The following PASD1 variants were observed in gnomAD, a reference collection of about 807,000 sequenced individuals.
PASD1 encodes circadian clock protein PASD1.
A neutral mutation model predicts 58.8 loss-of-function variants in PASD1; 13 were observed. The observed-to-expected ratio is 0.22, with a 90% CI of 0.14 to 0.35. PASD1 has a LOEUF of 0.35. PASD1 is among the 10% of genes least tolerant of loss of function. PASD1 has a pLI of 1.00. For missense variants in PASD1, 734 were observed against 568.3 expected (o/e 1.29, Z -2.96); for synonymous variants, 236 against 216.7 (o/e 1.09, Z -0.78).
At chrX:151,661,916 T>A (rs2014317580) in intron 10 of PASD1, among the ~76,000 whole-genome samples, 1 of 112,762 alleles carries the variant, frequency 8.9e-6, no homozygotes, top group Non-Finnish European at 1.9e-5. Context: ...CCTTAGGGCA[T>A]CATATCAGAA....
chrX:151,569,094 A>G (rs1008369006), intron 1 of PASD1, among the ~76,000 whole-genome samples: 1 of 112,040 alleles, frequency 8.9e-6, no homozygotes, highest in South Asian at 3.7e-4. Flanking sequence ...TAAAGTGTGG[A>G]TTAAGGCAAG....
At chrX:151,674,844 ACAAAAC>A (rs1235307329) in intron 15 of PASD1, among the ~76,000 whole-genome samples, 1 of 112,033 alleles carries the variant, frequency 8.9e-6, no homozygotes, top group African/African-American at 3.2e-5. Flanking sequence ...TTTTCAAACA[ACAAAAC>A]CAAACCAAAA....
chrX:151,624,644 A>G (rs926378702), intron 7 of PASD1, among the ~76,000 whole-genome samples: 1 of 111,699 alleles, frequency 9.0e-6, no homozygotes. Flanking sequence ...TGTTGTGATC[A>G]TTGTTATTAC....
At chrX:151,673,779 C>T in intron 14 of PASD1, 149 bp from the exon 15 acceptor site, 1 of 652,313 alleles carries the variant, frequency 1.5e-6, no homozygotes, top group Non-Finnish European at 2.4e-6. Context: ...GAATCTTAGT[C>T]AGGCCAAAGT....
intron 1 of PASD1, chrX:151,578,204 G>A (rs2013038705): frequency 8.9e-6 from 1 of 112,203 alleles, no homozygotes; most frequent in African/African-American, 3.2e-5. Context: ...ATCTGCTTCA[G>A]TGTATTTAAC....
intron 10 of PASD1, among the ~76,000 whole-genome samples, chrX:151,660,678 G>A (rs1351477450): frequency 1.8e-5 from 2 of 112,435 alleles, no homozygotes; most frequent in East Asian, 5.6e-4. Context: ...ATTCACTACT[G>A]TTAAGCCAAT....
intron 4 of PASD1, among the ~76,000 whole-genome samples, chrX:151,618,842 T>C (rs1569406658): frequency 9.4e-6 from 1 of 106,805 alleles, no homozygotes; most frequent in African/African-American, 3.4e-5. Context: ...TGGAGTGCAG[T>C]GAGAGAGAGA....
intron 8 of PASD1, among the ~76,000 whole-genome samples, chrX:151,631,031 T>C (rs1050418662): frequency 3.6e-5 from 4 of 112,245 alleles, no homozygotes; most frequent in East Asian, 2.8e-4. Flanking sequence ...CTCTGCTGTC[T>C]TGCTACTGCT....
intron 1 of PASD1, among the ~76,000 whole-genome samples, chrX:151,592,932 T>C (rs186763508): frequency 8.9e-6 from 1 of 112,050 alleles, no homozygotes; most frequent in East Asian, 2.8e-4. Context: ...TATTGATTAC[T>C]AAGGGGAGTA....
intron 1 of PASD1, among the ~76,000 whole-genome samples, chrX:151,577,415 A>C (rs1831583977): frequency 8.9e-6 from 1 of 112,320 alleles, no homozygotes; most frequent in African/African-American, 3.2e-5. Flanking sequence ...TTTATGGCTC[A>C]TACTGTTTGC....
At chrX:151,652,574 A>C (rs2014145173) in intron 9 of PASD1, among the ~76,000 whole-genome samples, 1 of 110,268 alleles carries the variant, frequency 9.1e-6, no homozygotes, top group African/African-American at 3.3e-5. Flanking sequence ...AAAAAAACTC[A>C]ACCCAACCCA....
chrX:151,577,563 T>A (rs2013025481), intron 1 of PASD1, among the ~76,000 whole-genome samples: 2 of 111,595 alleles, frequency 1.8e-5, no homozygotes, highest in South Asian at 7.6e-4. Context: ...CTTGCTCTGT[T>A]GCCCAGGCTG....
At chrX:151,570,957 C>T (rs1044031798) in intron 1 of PASD1, among the ~76,000 whole-genome samples, 64 of 111,753 alleles carry the variant, frequency 5.7e-4, no homozygotes, top group Non-Finnish European at 1.1e-3. Context: ...GCTGTACAGC[C>T]TCAAACAGGG....
Position 151,653,868 on chromosome X carries a change from CTCTT to C in PASD1, c.717+5236_717+5239del, listed in dbSNP as rs1222060384. Among the ~76,000 whole-genome samples the C allele has an allele frequency of 8.0e-3, 131 of 16,415 alleles. 4 individuals carry two copies. The highest frequency in any genetic ancestry group is 0.022 in the African/African-American group (98 of 4,553). 14.3% of individuals were successfully genotyped at this position (16,415 alleles called of 115,157 possible). ...CTTCCCTCCCTCCCTCCCTCCCTCC[CTCTT>C]TCTTTCTTTCTTTCTTTCTTTCTTT... On this transcript the variant is annotated intron_variant, in intron 9 of 15. Coordinates refer to ENST00000370357, the MANE Select transcript of PASD1 (RefSeq NM_173493.3).
chrX:151,658,700 C>T (rs181035731), intron 9 of PASD1, among the ~76,000 whole-genome samples: 5 of 112,283 alleles, frequency 4.5e-5, no homozygotes, highest in African/African-American at 1.6e-4. Context: ...GCACAGTTTC[C>T]TGAAGTTGAA....
At position 151,565,558 on chromosome X, in the gene PASD1, C is replaced by CTT. The variant is rs745371329; in HGVS notation, c.-28+1737_-28+1738dup. Among the ~76,000 whole-genome samples the CTT allele has an allele frequency of 5.0e-3, 423 of 84,099 alleles. 12 individuals are homozygous for CTT. Among genetic ancestry groups the CTT allele is most frequent in the African/African-American group, 0.017 (373 of 21,324 alleles). 73.0% of individuals were successfully genotyped at this position (84,099 alleles called of 115,157 possible). On this transcript the variant is annotated intron_variant, in intron 1 of 15. Transcript: ENST00000370357. ...TGGCTTTCTTTTTTCTTTTTCCTTA[C>CTT]TTTTTTTTTTTTTTTTTTTGAGACG...
chrX:151,636,175 A>G (rs1038536946), intron 8 of PASD1, among the ~76,000 whole-genome samples: 5 of 110,884 alleles, frequency 4.5e-5, no homozygotes, highest in Admixed American at 9.6e-5. Context: ...AGAACCATAC[A>G]GTATATACTC....
intron 4 of PASD1, among the ~76,000 whole-genome samples, chrX:151,615,776 A>C (rs1350163449): frequency 8.9e-6 from 1 of 112,391 alleles, no homozygotes; most frequent in Non-Finnish European, 1.9e-5. Context: ...CAAATAATCT[A>C]GAGATTAAAA....
chrX:151,631,334 T>A (rs2013863942), intron 8 of PASD1, among the ~76,000 whole-genome samples: 1 of 111,708 alleles, frequency 9.0e-6, no homozygotes, highest in Non-Finnish European at 1.9e-5. Flanking sequence ...TATCCTGGGC[T>A]GCATTCCACG....
Sources: allele counts gnomAD v4.1 joint callset (sites outside exome capture counted in the v4.1 genomes callset), GRCh38; gene constraint gnomAD v4.1.1; transcripts MANE v1.5; gene names NCBI Gene and HGNC (gene_info 2026-07-23, HGNC 2026-07-21).